EYS: variants seen among roughly 807,000 people sequenced by gnomAD.
The protein encoded by EYS is protein eyes shut homolog.
In EYS, 250 loss-of-function variants were observed where a neutral mutation model predicts 282.1. That is an observed-to-expected ratio of 0.89 (90% CI 0.80 to 0.98). The LOEUF is 0.98. Among genes scored for constraint, EYS ranks in the 50% least tolerant of loss-of-function variants. The pLI, the probability that EYS is intolerant of heterozygous loss-of-function variation, is 0.00. For synonymous variants in EYS, 1,355 were observed against 1,282.9 expected (o/e 1.06, Z -1.20); for missense variants, 4,016 against 3,709.0 (o/e 1.08, Z -2.15).
Position 64,307,051 on chromosome 6 carries a change from C to A in EYS, c.6110G>T (p.Cys2037Phe), listed in dbSNP as rs1334628225. ...GTTATTTATTTCTATAACTTCTATG[C>A]AGCCAGTAAAATTCTTGACTGGTAC... is the stretch of plus-strand genomic sequence containing the variant. Reference protein sequence around the residue: ...MPVPVKNFTGCIEVIEINNWR... With the variant: ...MPVPVKNFTGFIEVIEINNWR... Residue 2037 changes from cysteine to phenylalanine, a missense_variant, in exon 30 of 43, where the codon TGC becomes TTC. By Grantham distance (205) the Cys-to-Phe change is radical. Transcript: ENST00000503581. 1.3e-6 allele frequency: 2 copies of A among 1,538,066 alleles called. No individual in the cohort carries two copies. The highest frequency in any genetic ancestry group is 1.8e-6 in the Non-Finnish European group (2 of 1,135,764).
chr6:64,396,331 A>T (rs77881016), intron 28 of EYS, among the ~76,000 whole-genome samples: 4,724 of 152,202 alleles, frequency 0.031, 232 homozygotes, highest in African/African-American at 0.11. Flanking sequence ...TTAACAAAAA[A>T]GTACTTAGAG....
At chr6:65,036,536 C>T (rs989324704) in intron 13 of EYS, among the ~76,000 whole-genome samples, 9 of 151,146 alleles carry the variant, frequency 6.0e-5, no homozygotes, top group Non-Finnish European at 8.9e-5. Context: ...CCCTAAAAAA[C>T]GGGAGTAAAT....
intron 26 of EYS, among the ~76,000 whole-genome samples, chr6:64,448,615 C>A (rs574826493): frequency 6.6e-6 from 1 of 152,172 alleles, no homozygotes; most frequent in African/African-American, 2.4e-5. Context: ...CCAGTAGGGG[C>A]GGACTGACAT....
At chr6:65,577,912 T>C (rs1025352592) in intron 2 of EYS, among the ~76,000 whole-genome samples, 1 of 151,856 alleles carries the variant, frequency 6.6e-6, no homozygotes, top group Non-Finnish European at 1.5e-5. Context: ...AGAATAGTTA[T>C]TATAAAAAGA....
intron 35 of EYS, among the ~76,000 whole-genome samples, chr6:63,890,411 G>A (rs935229564): frequency 1.3e-5 from 2 of 152,188 alleles, no homozygotes; most frequent in Admixed American, 6.5e-5. Context: ...TCAGACCACA[G>A]TGCAATCAAA....
intron 22 of EYS, among the ~76,000 whole-genome samples, chr6:64,650,458 T>A (rs902124930): frequency 6.6e-6 from 1 of 151,900 alleles, no homozygotes; most frequent in Non-Finnish European, 1.5e-5. Flanking sequence ...AAGAAATAAA[T>A]AACATTAATT....
intron 30 of EYS, among the ~76,000 whole-genome samples, chr6:64,274,717 T>C (rs796756073): frequency 5.3e-5 from 8 of 152,180 alleles, no homozygotes; most frequent in African/African-American, 1.9e-4. Flanking sequence ...TATTGTGACA[T>C]TAGTACGGTG....
chr6:63,749,707 T>A (rs1284859454), intron 41 of EYS, among the ~76,000 whole-genome samples: 1 of 152,192 alleles, frequency 6.6e-6, no homozygotes, highest in Non-Finnish European at 1.5e-5. Flanking sequence ...CAGAGGCCTG[T>A]GGTGAGAGTG....
intron 12 of EYS, among the ~76,000 whole-genome samples, chr6:65,108,787 C>T (rs1363275537): frequency 6.6e-6 from 1 of 152,076 alleles, no homozygotes; most frequent in Non-Finnish European, 1.5e-5. Context: ...TTTTTCTGCC[C>T]TATGCTTTCT....
At chr6:64,292,219 C>T (rs996930009) in intron 30 of EYS, among the ~76,000 whole-genome samples, 3 of 152,088 alleles carry the variant, frequency 2.0e-5, no homozygotes, top group African/African-American at 4.8e-5. Flanking sequence ...CTGTGTAACA[C>T]GGCAGAGGCA....
intron 33 of EYS, among the ~76,000 whole-genome samples, chr6:64,011,438 C>T (rs1768622615): frequency 6.6e-6 from 1 of 152,092 alleles, no homozygotes; most frequent in Non-Finnish European, 1.5e-5. Context: ...TTTGGAAGTG[C>T]CTTCATGATT....
chr6:64,221,382 T>C (rs952766817), intron 31 of EYS, among the ~76,000 whole-genome samples: 7 of 152,084 alleles, frequency 4.6e-5, no homozygotes, highest in Admixed American at 2.0e-4. Flanking sequence ...TTTTTCTTTT[T>C]CTCTTTCATT....
At chr6:64,020,399 A>G (rs1212523925) in intron 33 of EYS, among the ~76,000 whole-genome samples, 6 of 152,198 alleles carry the variant, frequency 3.9e-5, no homozygotes, top group Non-Finnish European at 8.8e-5. Flanking sequence ...TTTCATCCAA[A>G]TTACATAAAC....
intron 40 of EYS, among the ~76,000 whole-genome samples, chr6:63,772,336 G>A (rs1290711187): frequency 2.6e-5 from 4 of 151,860 alleles, no homozygotes; most frequent in African/African-American, 9.7e-5. Context: ...TTCATATTAA[G>A]GATTAGAATG....
At chr6:65,345,498 A>G (rs2150321071) in intron 9 of EYS, among the ~76,000 whole-genome samples, 1 of 151,888 alleles carries the variant, frequency 6.6e-6, no homozygotes, top group East Asian at 1.9e-4. Flanking sequence ...AAGGCCATAT[A>G]TTTCAAGTAT....
chr6:64,633,760 C>A (rs1046283890), intron 22 of EYS, among the ~76,000 whole-genome samples: 1 of 152,028 alleles, frequency 6.6e-6, no homozygotes, highest in African/African-American at 2.4e-5. Flanking sequence ...TCATGTATCA[C>A]TATAAAGAGG....
intron 36 of EYS, among the ~76,000 whole-genome samples, chr6:63,827,799 G>A (rs1423394859): frequency 6.9e-6 from 1 of 144,112 alleles, no homozygotes; most frequent in African/African-American, 2.6e-5. Context: ...AGCTGAGATT[G>A]CGCCACTGCA....
intron 5 of EYS, among the ~76,000 whole-genome samples, chr6:65,432,347 A>T (rs1487593519): frequency 1.3e-5 from 2 of 152,188 alleles, no homozygotes; most frequent in African/African-American, 4.8e-5. Flanking sequence ...TGGTGGGAGA[A>T]CACAGAAAAA....
At chr6:64,474,125 C>T (rs1274438473) in intron 26 of EYS, among the ~76,000 whole-genome samples, 3 of 152,120 alleles carry the variant, frequency 2.0e-5, no homozygotes, top group Non-Finnish European at 4.4e-5. Context: ...TTCTAACTTT[C>T]TCCTCTGTGA....
Sources: allele counts gnomAD v4.1 joint callset (sites outside exome capture counted in the v4.1 genomes callset), GRCh38; gene constraint gnomAD v4.1.1; transcripts MANE v1.5; gene names NCBI Gene and HGNC (gene_info 2026-07-23, HGNC 2026-07-21).